The following GRM3 variants were observed in gnomAD, a reference collection of about 807,000 sequenced individuals.
GRM3 encodes the protein glutamate metabotropic receptor 3.
GRM3 carries 26 observed loss-of-function variants against 70.5 expected under a neutral mutation model. The ratio of observed to expected loss-of-function variants is 0.37; its 90% CI spans 0.27 to 0.51. GRM3 has a LOEUF of 0.51. Among genes scored for constraint, GRM3 ranks in the 20% least tolerant of loss-of-function variants. The pLI, the probability that GRM3 is intolerant of heterozygous loss-of-function variation, is 0.93. For missense variants in GRM3, 859 were observed against 1,123.8 expected, an observed-to-expected ratio of 0.76 and a Z score of 3.37; for synonymous variants, 443 against 434.9, an observed-to-expected ratio of 1.02 and a Z score of -0.23.
chr7:86,658,719 AC>A (rs1793812682), intron 1 of GRM3, among the ~76,000 whole-genome samples: 1 of 151,960 alleles, frequency 6.6e-6, no homozygotes, highest in South Asian at 2.1e-4. Flanking sequence ...TAATTAACTC[AC>A]TCTGGAGCAA....
chr7:86,730,114 C>CAA (rs552724044), intron 1 of GRM3, among the ~76,000 whole-genome samples: 3 of 147,022 alleles, frequency 2.0e-5, no homozygotes, highest in Non-Finnish European at 4.5e-5. Flanking sequence ...AACTCTGCCT[C>CAA]AAAAAAAATA....
intron 1 of GRM3, among the ~76,000 whole-genome samples, chr7:86,719,920 C>A (rs1415175968): frequency 6.6e-6 from 1 of 151,822 alleles, no homozygotes; most frequent in Non-Finnish European, 1.5e-5. Flanking sequence ...TCACAAAACT[C>A]AATAAAGAAT....
chr7:86,719,140 G>A (rs942489819), intron 1 of GRM3, among the ~76,000 whole-genome samples: 3 of 151,864 alleles, frequency 2.0e-5, no homozygotes, highest in African/African-American at 7.2e-5. Context: ...AAAAAAAGAT[G>A]TAGTGAAAAA....
intron 5 of GRM3, among the ~76,000 whole-genome samples, chr7:86,861,357 T>C (rs1384716861): frequency 6.6e-6 from 1 of 152,218 alleles, no homozygotes. Flanking sequence ...GCACTAGGGA[T>C]AAAATAATGA....
intron 1 of GRM3, among the ~76,000 whole-genome samples, chr7:86,705,435 A>G (rs533968011): frequency 1.8e-4 from 28 of 152,146 alleles, no homozygotes; most frequent in African/African-American, 6.3e-4. Context: ...ACTCTTCACA[A>G]TGAATAAGTA....
intron 3 of GRM3, among the ~76,000 whole-genome samples, chr7:86,827,571 T>C (rs1353706910): frequency 6.6e-6 from 1 of 151,894 alleles, no homozygotes; most frequent in Non-Finnish European, 1.5e-5. Context: ...TGGAGTGCAA[T>C]GGCCCTATCT....
chr7:86,771,307 G>A (rs573723811), intron 2 of GRM3, among the ~76,000 whole-genome samples: 9 of 152,196 alleles, frequency 5.9e-5, no homozygotes, highest in African/African-American at 1.7e-4. Flanking sequence ...TGCAAAGGAA[G>A]TATTTAAAAT....
At chr7:86,851,846 AC>A (rs1201967221) in intron 5 of GRM3, among the ~76,000 whole-genome samples, 1 of 152,202 alleles carries the variant, frequency 6.6e-6, no homozygotes, top group Non-Finnish European at 1.5e-5. Flanking sequence ...TCTTGAGCAA[AC>A]AAAGCTCTTT....
At chr7:86,747,120 C>A (rs1446942679) in intron 1 of GRM3, among the ~76,000 whole-genome samples, 1 of 152,030 alleles carries the variant, frequency 6.6e-6, no homozygotes, top group Non-Finnish European at 1.5e-5. Context: ...TGTCCATGAT[C>A]CCATTATACA....
rs77336309 is a variant in GRM3 at position 86,721,698 on chromosome 7, A to C, written c.-140-43308A>C. Reference sequence around the variant, plus strand: ...ATGTTCACCACTAGACCTTTGTTTTAGTGTTATCTCCATAAGATCTCTATT... The same window carrying C: ...ATGTTCACCACTAGACCTTTGTTTTCGTGTTATCTCCATAAGATCTCTATT... On this transcript the variant is annotated intron_variant, in intron 1 of 5. Coordinates refer to ENST00000361669, the MANE Select transcript of GRM3 (RefSeq NM_000840.3). Among the ~76,000 whole-genome samples, 843 of 152,202 alleles carry C rather than the reference A, an allele frequency of 5.5e-3. 26 individuals carry two copies. The East Asian group carries it at 0.084, about 15-fold the overall frequency.
chr7:86,766,709 A>C (rs375015378), intron 2 of GRM3, among the ~76,000 whole-genome samples: 2 of 152,042 alleles, frequency 1.3e-5, no homozygotes, highest in Non-Finnish European at 2.9e-5. Flanking sequence ...ATTTTTTCTG[A>C]TTAGAGCATT....
At chr7:86,806,251 T>G (rs187241233) in intron 3 of GRM3, among the ~76,000 whole-genome samples, 329 of 152,336 alleles carry the variant, frequency 2.2e-3, no homozygotes, top group African/African-American at 7.5e-3. Context: ...TATAATCCTT[T>G]GTGTATATAC....
chr7:86,844,551 C>T (rs76548007), intron 4 of GRM3, among the ~76,000 whole-genome samples: 1,725 of 148,808 alleles, frequency 0.012, 34 homozygotes, highest in African/African-American at 0.043. Flanking sequence ...TATGATCTCA[C>T]ATTTTAGTAG....
intron 1 of GRM3, among the ~76,000 whole-genome samples, chr7:86,698,567 T>A (rs1164906112): frequency 7.0e-6 from 1 of 142,528 alleles, no homozygotes; most frequent in Non-Finnish European, 1.5e-5. Flanking sequence ...TATATATAAT[T>A]ATATATATAC....
At chr7:86,736,534 C>T (rs1335122284) in intron 1 of GRM3, among the ~76,000 whole-genome samples, 1 of 152,090 alleles carries the variant, frequency 6.6e-6, no homozygotes, top group Non-Finnish European at 1.5e-5. Flanking sequence ...TGGAGTGCCA[C>T]TTGTGTATTT....
intron 3 of GRM3, among the ~76,000 whole-genome samples, chr7:86,820,599 A>C (rs1353496812): frequency 6.6e-6 from 1 of 152,156 alleles, no homozygotes; most frequent in Non-Finnish European, 1.5e-5. Flanking sequence ...TTATAGCACA[A>C]TGTATTATAT....
chr7:86,735,181 A>T (rs1233408406), intron 1 of GRM3, among the ~76,000 whole-genome samples: 1 of 152,310 alleles, frequency 6.6e-6, no homozygotes, highest in South Asian at 2.1e-4. Flanking sequence ...GTTAATGATG[A>T]CAGGATCTTC....
At chr7:86,650,428 AG>A (rs1793576440) in intron 1 of GRM3, among the ~76,000 whole-genome samples, 1 of 151,998 alleles carries the variant, frequency 6.6e-6, no homozygotes, top group African/African-American at 2.4e-5. Context: ...CTGAGCTCCA[AG>A]TAGAGGGACA....
intron 3 of GRM3, among the ~76,000 whole-genome samples, chr7:86,828,540 TTTATTAAGTGTACAGTAGCA>T (rs1401285845): frequency 8.8e-4 from 134 of 152,362 alleles, no homozygotes; most frequent in African/African-American, 3.0e-3. Context: ...TATACTGTAG[TTTATTAAGTGTACAGTAGCA>T]TTATGTATTA....
Sources: allele counts gnomAD v4.1 joint callset (sites outside exome capture counted in the v4.1 genomes callset), GRCh38; gene constraint gnomAD v4.1.1; transcripts MANE v1.5; gene names NCBI Gene and HGNC (gene_info 2026-07-23, HGNC 2026-07-21).